Variants in CNTNAP2 observed in about 807,000 individuals in gnomAD.
CNTNAP2 encodes the protein contactin associated protein 2.
CNTNAP2 carries 98 observed loss-of-function variants against 155.2 expected under a neutral mutation model. That is an observed-to-expected ratio of 0.63 (90% confidence interval 0.54 to 0.75). CNTNAP2 has a LOEUF of 0.75. Ranked by LOEUF, CNTNAP2 falls within the 30% of genes least tolerant of loss-of-function variation. CNTNAP2 has a pLI of 0.00. For synonymous variants in CNTNAP2, 651 were observed against 631.2 expected, an observed-to-expected ratio of 1.03 and a Z score of -0.47; for missense variants, 1,727 against 1,688.1, an observed-to-expected ratio of 1.02 and a Z score of -0.40.
At chr7:148,036,056 A>ATAT (rs1431043183) in intron 15 of CNTNAP2, among the ~76,000 whole-genome samples, 2 of 152,200 alleles carry the variant, frequency 1.3e-5, no homozygotes, top group African/African-American at 4.8e-5. Flanking sequence ...TTCTAGGATT[A>ATAT]TATTTTGGAA....
At chr7:147,292,931 G>A (rs1584851395) in intron 8 of CNTNAP2, among the ~76,000 whole-genome samples, 1 of 151,998 alleles carries the variant, frequency 6.6e-6, no homozygotes, top group African/African-American at 2.4e-5. Context: ...CACCATGCTG[G>A]CTAATTTTGT....
chr7:148,304,389 T>A (rs918376085), intron 21 of CNTNAP2, among the ~76,000 whole-genome samples: 5 of 152,250 alleles, frequency 3.3e-5, no homozygotes, highest in African/African-American at 1.2e-4. Flanking sequence ...TAGTTCTATA[T>A]GGCTTATTAG....
At chr7:146,537,881 A>G (rs1797893706) in intron 1 of CNTNAP2, among the ~76,000 whole-genome samples, 1 of 152,098 alleles carries the variant, frequency 6.6e-6, no homozygotes, top group African/African-American at 2.4e-5. Flanking sequence ...GGTAGATTGA[A>G]TGAAACTACA....
chr7:147,894,402 T>G (rs1799742690), intron 13 of CNTNAP2, among the ~76,000 whole-genome samples: 2 of 152,098 alleles, frequency 1.3e-5, no homozygotes, highest in Non-Finnish European at 2.9e-5. Context: ...GCAAGGGCCT[T>G]CAAATAACCA....
At chr7:148,019,927 G>T (rs529309579) in intron 15 of CNTNAP2, among the ~76,000 whole-genome samples, 1 of 152,158 alleles carries the variant, frequency 6.6e-6, no homozygotes. Context: ...TGGGATTACA[G>T]GTGCCTGCCA....
chr7:147,927,878 T>A (rs1441644971), intron 14 of CNTNAP2, among the ~76,000 whole-genome samples: 5 of 152,194 alleles, frequency 3.3e-5, no homozygotes, highest in Non-Finnish European at 5.9e-5. Context: ...GTCCCAGGAC[T>A]ACCTACCGAT....
intron 13 of CNTNAP2, among the ~76,000 whole-genome samples, chr7:147,758,740 G>A (rs922409511): frequency 9.9e-5 from 15 of 152,042 alleles, no homozygotes; most frequent in East Asian, 3.9e-4. Context: ...AGCTACTTGC[G>A]GGGCTGAGGT....
chr7:147,113,532 A>C (rs1800925303), intron 5 of CNTNAP2, among the ~76,000 whole-genome samples: 1 of 152,072 alleles, frequency 6.6e-6, no homozygotes, highest in South Asian at 2.1e-4. Context: ...AAGGGAAGCA[A>C]ACACATCCTT....
intron 8 of CNTNAP2, among the ~76,000 whole-genome samples, chr7:147,256,848 A>T (rs900678252): frequency 3.3e-5 from 5 of 152,102 alleles, no homozygotes; most frequent in Non-Finnish European, 7.4e-5. Context: ...TTTGGATATA[A>T]TAAGTTGAGT....
chr7:147,809,950 T>A (rs559562615), intron 13 of CNTNAP2, among the ~76,000 whole-genome samples: 1 of 152,258 alleles, frequency 6.6e-6, no homozygotes, highest in East Asian at 1.9e-4. Flanking sequence ...TCATATTGAG[T>A]TTTACTGGAA....
intron 20 of CNTNAP2, among the ~76,000 whole-genome samples, chr7:148,261,326 A>G (rs1796557722): frequency 6.6e-6 from 1 of 151,952 alleles, no homozygotes; most frequent in African/African-American, 2.4e-5. Flanking sequence ...ATGCCCGGCT[A>G]ATTTTTGTCT....
intron 1 of CNTNAP2, among the ~76,000 whole-genome samples, chr7:146,566,085 G>T (rs1379576508): frequency 2.0e-5 from 3 of 152,238 alleles, no homozygotes; most frequent in Non-Finnish European, 4.4e-5. Flanking sequence ...CCACCAGGCA[G>T]GTTGCCTGTT....
At chr7:148,306,873 C>T (rs1797500720) in intron 21 of CNTNAP2, among the ~76,000 whole-genome samples, 1 of 151,980 alleles carries the variant, frequency 6.6e-6, no homozygotes, top group Non-Finnish European at 1.5e-5. Flanking sequence ...TAGCTGACAC[C>T]CACATTTAAG....
intron 4 of CNTNAP2, among the ~76,000 whole-genome samples, chr7:147,065,622 A>C (rs1184131218): frequency 6.6e-6 from 1 of 152,162 alleles, no homozygotes; most frequent in Non-Finnish European, 1.5e-5. Context: ...TGTCACTTAT[A>C]TGTTCAGTTT....
In CNTNAP2 at chr7:147,223,976, A is replaced by C. The variant is rs1803465800; in HGVS notation, c.1349-76165A>C. On this transcript the variant is annotated intron_variant, in intron 8 of 23. Coordinates refer to ENST00000361727, the MANE Select transcript of CNTNAP2 (RefSeq NM_014141.6). Reference sequence around the variant, plus strand: ...AAAAAAGAAAGAAAGAAAAAAGAAAAGAAAAAAGAAAAATAACTACAAGCA... The same window carrying C: ...AAAAAAGAAAGAAAGAAAAAAGAAACGAAAAAAGAAAAATAACTACAAGCA... 2.6e-5 allele frequency among the ~76,000 whole-genome samples: 4 copies of C among 151,902 alleles called. No individual in the cohort carries two copies. In the South Asian group the frequency reaches 8.3e-4, roughly 32 times the overall value.
intron 15 of CNTNAP2, among the ~76,000 whole-genome samples, chr7:147,981,195 G>T (rs2116869788): frequency 6.6e-6 from 1 of 152,300 alleles, no homozygotes; most frequent in South Asian, 2.1e-4. Flanking sequence ...ATGGAACAGA[G>T]AATAGAAATA....
intron 1 of CNTNAP2, among the ~76,000 whole-genome samples, chr7:146,457,443 T>C (rs546283098): frequency 7.7e-6 from 1 of 129,706 alleles, no homozygotes; most frequent in African/African-American, 2.9e-5. Flanking sequence ...TATAAATGAA[T>C]CAAATTATAA....
At position 148,061,992 on chromosome 7, in the gene CNTNAP2, T is replaced by G. The variant is rs1563185533; in HGVS notation, c.2384-56126T>G. ...ATAGATAGATAGATAGATAGATAGATAGATAGATAGATAGATGATAGAGAG... is the reference window on the plus strand; with the variant it reads ...ATAGATAGATAGATAGATAGATAGAGAGATAGATAGATAGATGATAGAGAG... On this transcript the variant is annotated intron_variant, in intron 15 of 23. Coordinates refer to ENST00000361727, the MANE Select transcript of CNTNAP2 (RefSeq NM_014141.6). Among the ~76,000 whole-genome samples the G allele has an allele frequency of 3.0e-4, 38 of 127,620 alleles. 2 individuals carry two copies. The highest frequency in any genetic ancestry group is 1.4e-3 in the African/African-American group (38 of 28,034). The allele number at this position is 127,620 out of a possible 152,430, so 83.7% of individuals were successfully genotyped here. A position where few individuals can be genotyped will look rare whatever the true frequency, so the allele number is the denominator to read the frequency against.
chr7:147,096,334 A>G (rs771571377), intron 4 of CNTNAP2, among the ~76,000 whole-genome samples: 1 of 152,192 alleles, frequency 6.6e-6, no homozygotes, highest in African/African-American at 2.4e-5. Context: ...GCTTCCTTGA[A>G]AATGTATTGT....
Sources: gnomAD v4.1 joint callset for allele counts (sites outside exome capture counted in the v4.1 genomes callset) on GRCh38, gnomAD v4.1.1 for gene constraint, MANE v1.5 for transcripts, NCBI Gene and HGNC (gene_info 2026-07-23, HGNC 2026-07-21) for gene names.